The following LYST variants were observed in gnomAD, a reference collection of about 807,000 sequenced individuals.
The protein encoded by LYST is lysosomal trafficking regulator, also known as lysosomal-trafficking regulator.
Under a neutral mutation model 413.6 loss-of-function variants are expected in LYST, and 192 were observed. The observed-to-expected ratio is 0.46, with a 90% CI of 0.41 to 0.52. LYST has a LOEUF of 0.52. Ranked by LOEUF, LYST falls within the 20% of genes least tolerant of loss-of-function variation. LYST has a pLI of 0.00. For missense variants in LYST, 3,815 were observed against 4,499.9 expected, an observed-to-expected ratio of 0.85 and a Z score of 4.35; for synonymous variants, 1,525 against 1,567.3, an observed-to-expected ratio of 0.97 and a Z score of 0.64.
At chr1:235,801,500 G>A (rs1456866484) in intron 8 of LYST, among the ~76,000 whole-genome samples, 2 of 152,010 alleles carry the variant, frequency 1.3e-5, no homozygotes, top group Non-Finnish European at 2.9e-5. Flanking sequence ...ACTAGTGGTT[G>A]GAAGAATGAT....
intron 33 of LYST, 52 bp from the exon 34 acceptor site, chr1:235,733,743 T>A (rs760686962): frequency 3.3e-6 from 5 of 1,533,512 alleles, no homozygotes; most frequent in Non-Finnish European, 4.5e-6. Flanking sequence ...AACGTATTTA[T>A]CAGAACATGA....
chr1:235,791,923 C>T lies in LYST; in HGVS notation c.4319G>A (p.Arg1440Lys), dbSNP rs201703229. The T allele has an allele frequency of 1.9e-6, 3 of 1,614,038 alleles. No homozygotes were observed. Among genetic ancestry groups the T allele is most frequent in the Non-Finnish European group, 2.5e-6 (3 of 1,180,006 alleles). Residue 1440 changes from arginine to lysine, a missense_variant, in exon 12 of 53, where the codon AGA (arginine) becomes AAA (lysine). Physicochemically the swap from Arg to Lys is conservative, Grantham distance 26 (BLOSUM62 2). This residue lies in a region of LYST where 1,648 missense variants were observed against 1,810.3 expected (regional missense o/e 0.91). Coordinates refer to ENST00000389793, the MANE Select transcript of LYST (RefSeq NM_000081.4). The stretch of plus-strand genomic sequence containing the variant: ...AAGCAGCCGATGGGGAAAACTCTCT[C>T]TATCAGCCTCTTTCTTGCTCCGTGA... ...RVSRSKKEAD[R>K]ESFPHRLLSS...
chr1:235,876,281 T>C (rs6674698), intron 1 of LYST, among the ~76,000 whole-genome samples: 60,824 of 151,956 alleles, frequency 0.4, 12,746 homozygotes, highest in African/African-American at 0.45. Context: ...ACATCCCACA[T>C]GGCCAAAAAA....
intron 43 of LYST, among the ~76,000 whole-genome samples, chr1:235,711,719 A>G (rs10754726): frequency 0.46 from 69,827 of 151,952 alleles, 17,950 homozygotes; most frequent in African/African-American, 0.68. Context: ...TTTGCTTTCA[A>G]TAAAGTCATA....
intron 50 of LYST, among the ~76,000 whole-genome samples, chr1:235,670,521 C>CT (rs1658851779): frequency 6.6e-6 from 1 of 152,134 alleles, no homozygotes; most frequent in South Asian, 2.1e-4. Flanking sequence ...AGACGTGTCT[C>CT]ACTGCAGCAG....
chr1:235,751,625 CT>C (rs1483064576), intron 27 of LYST, among the ~76,000 whole-genome samples: 4 of 152,066 alleles, frequency 2.6e-5, no homozygotes, highest in African/African-American at 7.2e-5. Context: ...AAAGAACAGG[CT>C]TTTTTTCTAT....
chr1:235,719,949 G>C (rs997549137), intron 40 of LYST, among the ~76,000 whole-genome samples: 1 of 151,966 alleles, frequency 6.6e-6, no homozygotes, highest in African/African-American at 2.4e-5. Context: ...AGGCCAAGGT[G>C]GGTGGATCAC....
intron 1 of LYST, among the ~76,000 whole-genome samples, chr1:235,834,026 T>C (rs1230299798): frequency 6.6e-6 from 1 of 152,154 alleles, no homozygotes; most frequent in African/African-American, 2.4e-5. Flanking sequence ...ACAAAAAGGT[T>C]TTCAACTCAG....
At position 235,661,307 on chromosome 1, in the gene LYST, T is replaced by C. The variant is rs1002232160; in HGVS notation, c.*1633A>G. 1.3e-5 allele frequency: 2 copies of C among 152,758 alleles called. No homozygotes were observed. Among genetic ancestry groups the C allele is most frequent in the Non-Finnish European group, 2.9e-5 (2 of 68,030 alleles). The allele number at this position is 152,758 out of a possible 1,614,324, so 9.5% of individuals were successfully genotyped here. ...ATGAAATTCGGTTTTTAAAAAAAGA[T>C]GAGTAGCAACCCTATTCTAATAGGG... On this transcript the variant is annotated 3_prime_UTR_variant, in exon 53 of 53. Coordinates refer to ENST00000389793, the MANE Select transcript of LYST (RefSeq NM_000081.4).
rs746482877 is a variant in LYST at position 235,697,266 on chromosome 1, A to G, written c.10381T>C (p.Leu3461=). Residue 3461 remains leucine, a synonymous_variant, in exon 46 of 53, where the codon TTG becomes CTG. Transcript: ENST00000389793. The part of the protein sequence containing the change: ...QVKEITYPSP[L]SWIKGLKWGE... ...CATTTCAAGCCTTTTATCCATGACAAAGGACTCTAAAATGAAGAAAAATAA... is the reference window on the plus strand; with the variant it reads ...CATTTCAAGCCTTTTATCCATGACAGAGGACTCTAAAATGAAGAAAAATAA... 6.2e-7 allele frequency: 1 copy of G among 1,612,928 alleles called. No homozygotes were observed. The highest frequency in any genetic ancestry group is 8.5e-7 in the Non-Finnish European group (1 of 1,179,074).
chr1:235,794,354 T>C (rs1370328776), intron 10 of LYST, among the ~76,000 whole-genome samples: 1 of 152,212 alleles, frequency 6.6e-6, no homozygotes, highest in East Asian at 1.9e-4. Flanking sequence ...AATACTTAAA[T>C]ACCACAAACT....
chr1:235,744,432 A>G (rs958518267), intron 29 of LYST, among the ~76,000 whole-genome samples: 1 of 152,224 alleles, frequency 6.6e-6, no homozygotes, highest in African/African-American at 2.4e-5. Flanking sequence ...GACTAAAACC[A>G]TAAGATTATT....
chr1:235,859,323 T>G (rs1679591071), intron 1 of LYST, among the ~76,000 whole-genome samples: 1 of 152,190 alleles, frequency 6.6e-6, no homozygotes, highest in African/African-American at 2.4e-5. Context: ...CTCAATCCAC[T>G]GAAGTGTCCT....
In LYST at chr1:235,746,494, G is replaced by A. The variant is rs868432883; in HGVS notation, c.7814C>T (p.Ser2605Leu). Reference sequence around the variant, plus strand: ...CACTGAACGCATTTTCATCAGAAGCGATTCAGTTTGAGCAAGGGGAAATTT... The same window carrying A: ...CACTGAACGCATTTTCATCAGAAGCAATTCAGTTTGAGCAAGGGGAAATTT... ...PRKFPLAQTE[S>L]LLMKMRSVAN... The change falls in exon 29 of 53, where the codon TCG becomes TTG. Residue 2605 changes from serine (S) to leucine (L), a missense_variant. Physicochemically the swap from Ser to Leu is moderately radical, Grantham distance 145. Around this residue, in one of 4 missense-constraint regions of LYST, gnomAD observed 771 missense variants for 837.1 expected, o/e 0.92. Coordinates refer to ENST00000389793, the MANE Select transcript of LYST (RefSeq NM_000081.4). 3 of 1,613,550 alleles carry A rather than the reference G, an allele frequency of 1.9e-6. No homozygotes were observed. The highest frequency in any genetic ancestry group is 1.3e-5 in the African/African-American group (1 of 74,872).
rs138592380 is a variant in LYST, at chr1:235,677,770, T to TA, written c.10801-152dup. 9,226 of 547,524 alleles carry TA rather than the reference T, an allele frequency of 0.017. 624 individuals carry two copies. The highest frequency in any genetic ancestry group is 0.15 in the African/African-American group (7,828 of 51,326). The allele number at this position is 547,524 out of a possible 1,614,324, so 33.9% of individuals were successfully genotyped here. ...TTCAGAGTAAAACAAAGAAAGAAATTAAAAAATTTTTAATTCCTCATAATT... is the reference window on the plus strand; with the variant it reads ...TTCAGAGTAAAACAAAGAAAGAAATTAAAAAAATTTTTAATTCCTCATAATT... On this transcript the variant is annotated intron_variant, in intron 48 of 52. Coordinates refer to ENST00000389793, the MANE Select transcript of LYST (RefSeq NM_000081.4).
chr1:235,794,292 T>A (rs1159401819), intron 10 of LYST, among the ~76,000 whole-genome samples: 1 of 152,168 alleles, frequency 6.6e-6, no homozygotes, highest in Non-Finnish European at 1.5e-5. Flanking sequence ...TATCTATCAC[T>A]TTTTAAGTAC....
chr1:235,852,497 A>G (rs565244772), intron 1 of LYST, among the ~76,000 whole-genome samples: 1 of 152,306 alleles, frequency 6.6e-6, no homozygotes, highest in East Asian at 1.9e-4. Flanking sequence ...GAAGTCTCAC[A>G]ATGCAACACT....
chr1:235,845,301 T>C (rs1677692702), intron 1 of LYST, among the ~76,000 whole-genome samples: 1 of 152,136 alleles, frequency 6.6e-6, no homozygotes, highest in Non-Finnish European at 1.5e-5. Flanking sequence ...CCTAGTGAAT[T>C]ACAGGGGTAG....
Position 235,753,081 on chromosome 1 carries a change from A to G in LYST, c.7423T>C (p.Cys2475Arg), listed in dbSNP as rs755294712. 1 of 1,600,970 alleles carries G rather than the reference A, an allele frequency of 6.2e-7. No homozygotes were observed. Among genetic ancestry groups the G allele is most frequent in the Non-Finnish European group, 8.6e-7 (1 of 1,168,330 alleles). The change falls in exon 26 of 53, where the codon TGT becomes CGT. Residue 2475 changes from cysteine (C) to arginine (R), a missense_variant. By Grantham distance (180) the Cys-to-Arg change is radical. This residue lies in a region of LYST where 771 missense variants were observed against 837.1 expected (regional missense o/e 0.92). Transcript: ENST00000389793. ...LLDNGLLYVL[C>R]NTVAALNGLE... ...CCATTCAGGGCTGCTACTGTATTAC[A>G]TAACACATAGAGTAGACCATTATCC...
Sources: gnomAD v4.1 joint callset for allele counts (sites outside exome capture counted in the v4.1 genomes callset) on GRCh38, gnomAD v4.1.1 for gene constraint, gnomAD v4.1.1 regional missense constraint, MANE v1.5 for transcripts, NCBI Gene and HGNC (gene_info 2026-07-23, HGNC 2026-07-21) for gene names.